Variants in CNTNAP2 observed in about 807,000 individuals in gnomAD.
CNTNAP2 encodes the protein contactin-associated protein-like 2.
CNTNAP2 carries 98 observed loss-of-function variants against 155.2 expected under a neutral mutation model. The ratio of observed to expected loss-of-function variants is 0.63; its 90% CI spans 0.54 to 0.75. The LOEUF is 0.75. Among genes scored for constraint, CNTNAP2 ranks in the 30% least tolerant of loss-of-function variants. The probability of loss-of-function intolerance (pLI) is 0.00; values close to 1 mark genes in which losing one functional copy is unlikely to be tolerated. For synonymous variants in CNTNAP2, 651 were observed against 631.2 expected, an observed-to-expected ratio of 1.03 and a Z score of -0.47; for missense variants, 1,727 against 1,688.1, an observed-to-expected ratio of 1.02 and a Z score of -0.40.
chr7:147,257,004 AAAG>A (rs1408980627), intron 8 of CNTNAP2, among the ~76,000 whole-genome samples: 1 of 105,596 alleles, frequency 9.5e-6, no homozygotes, highest in Non-Finnish European at 1.8e-5. Flanking sequence ...TTAGGAGAAA[AAAG>A]AAACACGTGG....
In CNTNAP2 at chr7:146,205,527, A is replaced by G. The variant is rs1272145600; in HGVS notation, c.97+88554A>G. ...TTTTCAGAACCTTTAATGTAGTGCT[A>G]TAGCAATTTTGAAAGTAAAATCACT... On this transcript the variant is annotated intron_variant, in intron 1 of 23. Coordinates refer to ENST00000361727, the MANE Select transcript of CNTNAP2 (RefSeq NM_014141.6). Among the ~76,000 whole-genome samples the G allele has an allele frequency of 4.6e-5, 7 of 152,006 alleles. No homozygotes were observed. In the East Asian group the frequency reaches 9.6e-4, roughly 21 times the overall value.
intron 16 of CNTNAP2, among the ~76,000 whole-genome samples, chr7:148,118,885 G>A (rs1804536288): frequency 6.6e-6 from 1 of 152,182 alleles, no homozygotes; most frequent in Non-Finnish European, 1.5e-5. Flanking sequence ...AGAGGATGCT[G>A]CTTAGCTCAG....
At chr7:146,241,342 A>G (rs1015758472) in intron 1 of CNTNAP2, among the ~76,000 whole-genome samples, 1 of 152,210 alleles carries the variant, frequency 6.6e-6, no homozygotes, top group Non-Finnish European at 1.5e-5. Context: ...CCTAGTGGAG[A>G]TACTGAGTCA....
chr7:147,000,846 A>T (rs988602896), intron 3 of CNTNAP2, among the ~76,000 whole-genome samples: 1 of 152,130 alleles, frequency 6.6e-6, no homozygotes, highest in Non-Finnish European at 1.5e-5. Flanking sequence ...TTAGAATCCA[A>T]GGCTGCTATA....
At chr7:147,772,182 T>C (rs1448086049) in intron 13 of CNTNAP2, among the ~76,000 whole-genome samples, 1 of 151,620 alleles carries the variant, frequency 6.6e-6, no homozygotes, top group Non-Finnish European at 1.5e-5. Context: ...TCCCAGCACT[T>C]TGGGAGGCCA....
At chr7:146,619,784 T>C (rs1799287533) in intron 1 of CNTNAP2, among the ~76,000 whole-genome samples, 3 of 152,160 alleles carry the variant, frequency 2.0e-5, no homozygotes, top group South Asian at 4.1e-4. Context: ...TTTGTAGTAA[T>C]TTTATTCTAG....
At chr7:148,271,906 G>A (rs937424931) in intron 21 of CNTNAP2, among the ~76,000 whole-genome samples, 2 of 152,072 alleles carry the variant, frequency 1.3e-5, no homozygotes, top group African/African-American at 4.8e-5. Context: ...GAAACCCCCT[G>A]GAGTTTCATG....
chr7:148,198,032 C>T (rs569675645), intron 18 of CNTNAP2, among the ~76,000 whole-genome samples: 4 of 152,172 alleles, frequency 2.6e-5, no homozygotes, highest in East Asian at 3.8e-4. Context: ...CTTTTCCCTG[C>T]GCGAATCTCA....
chr7:146,206,967 T>C (rs1798956862), intron 1 of CNTNAP2, among the ~76,000 whole-genome samples: 1 of 152,024 alleles, frequency 6.6e-6, no homozygotes, highest in African/African-American at 2.4e-5. Context: ...ATAGAGTATG[T>C]GGGTCCTTAG....
At chr7:146,671,079 G>A (rs1394756014) in intron 1 of CNTNAP2, among the ~76,000 whole-genome samples, 1 of 152,164 alleles carries the variant, frequency 6.6e-6, no homozygotes, top group Non-Finnish European at 1.5e-5. Context: ...TTATCTCAGA[G>A]TTAGAAAACT....
At chr7:148,111,521 A>C (rs1040285553) in intron 15 of CNTNAP2, among the ~76,000 whole-genome samples, 3 of 151,022 alleles carry the variant, frequency 2.0e-5, no homozygotes, top group African/African-American at 7.4e-5. Flanking sequence ...AAAGATCAAA[A>C]TGTGGAACAA....
At chr7:147,129,878 A>G (rs1801318240) in intron 7 of CNTNAP2, among the ~76,000 whole-genome samples, 1 of 152,186 alleles carries the variant, frequency 6.6e-6, no homozygotes, top group East Asian at 1.9e-4. Flanking sequence ...CTAGAAATTA[A>G]AACTTGAACT....
At chr7:146,429,242 AAT>A (rs1364695642) in intron 1 of CNTNAP2, among the ~76,000 whole-genome samples, 2 of 151,422 alleles carry the variant, frequency 1.3e-5, no homozygotes, top group African/African-American at 4.9e-5. Flanking sequence ...TGAATTTTAA[AAT>A]ATTTTTTTTT....
Position 146,463,795 on chromosome 7 carries a change from G to A in CNTNAP2, c.98-310476G>A, listed in dbSNP as rs145069146. Among the ~76,000 whole-genome samples the A allele has an allele frequency of 4.1e-4, 63 of 151,950 alleles. 2 individuals carry two copies. The East Asian group carries it at 0.012, about 29-fold the overall frequency. On this transcript the variant is annotated intron_variant, in intron 1 of 23. Coordinates refer to ENST00000361727, the MANE Select transcript of CNTNAP2 (RefSeq NM_014141.6). ...CATCAATACTAGATTCTAATATAGT[G>A]TTAACAAGTGCTAAAATTTAAAAAA...
intron 1 of CNTNAP2, among the ~76,000 whole-genome samples, chr7:146,561,347 T>C (rs534848190): frequency 1.3e-5 from 2 of 152,188 alleles, no homozygotes; most frequent in African/African-American, 4.8e-5. Context: ...AGAATAGAGA[T>C]ATTCTTCTGA....
intron 1 of CNTNAP2, among the ~76,000 whole-genome samples, chr7:146,256,846 C>G (rs564019872): frequency 3.3e-5 from 5 of 151,784 alleles, no homozygotes; most frequent in East Asian, 3.9e-4. Context: ...AAAAAATAAA[C>G]AGTAAGCTAA....
intron 1 of CNTNAP2, among the ~76,000 whole-genome samples, chr7:146,126,332 T>C (rs1168000306): frequency 6.6e-6 from 1 of 152,246 alleles, no homozygotes; most frequent in Non-Finnish European, 1.5e-5. Flanking sequence ...CACTGTCATA[T>C]GTTCTGGAGA....
intron 3 of CNTNAP2, among the ~76,000 whole-genome samples, chr7:146,846,419 T>A (rs1241523562): frequency 6.6e-6 from 1 of 152,132 alleles, no homozygotes; most frequent in Admixed American, 6.5e-5. Flanking sequence ...AAAAACAATT[T>A]CCAAGGCGAT....
At chr7:146,509,179 A>C (rs1438522867) in intron 1 of CNTNAP2, among the ~76,000 whole-genome samples, 1 of 152,236 alleles carries the variant, frequency 6.6e-6, no homozygotes, top group East Asian at 1.9e-4. Flanking sequence ...CCTGCACCAC[A>C]TCTGTTTATG....
Sources: gnomAD v4.1 joint callset for allele counts (sites outside exome capture counted in the v4.1 genomes callset) on GRCh38, gnomAD v4.1.1 for gene constraint, MANE v1.5 for transcripts, NCBI Gene and HGNC (gene_info 2026-07-23, HGNC 2026-07-21) for gene names.